PHLDB1: variants seen among roughly 807,000 people sequenced by gnomAD.
PHLDB1 encodes pleckstrin homology like domain family B member 1.
In PHLDB1, 65 loss-of-function variants were observed where a neutral mutation model predicts 139.3. The ratio of observed to expected loss-of-function variants is 0.47; its 90% CI spans 0.38 to 0.57. PHLDB1 has a LOEUF of 0.57. Among genes scored for constraint, PHLDB1 ranks in the 20% least tolerant of loss-of-function variants. The probability of loss-of-function intolerance (pLI) is 0.00; values close to 1 mark genes in which losing one functional copy is unlikely to be tolerated. For synonymous variants in PHLDB1, 679 were observed against 734.5 expected (o/e 0.92, Z 1.22); for missense variants, 1,624 against 1,839.7 (o/e 0.88, Z 2.14).
At position 118,638,959 on chromosome 11, in the gene PHLDB1, C is replaced by A; in HGVS notation, c.2604C>A (p.Arg868=). The change falls in exon 11 of 23, where the codon CGC becomes CGA. Residue 868 remains arginine, a synonymous_variant. Transcript: ENST00000600882. Reference sequence around the variant, plus strand: ...CTCAGGCCGTGCAGGAATCAGAACGCCTGGCCCGGGACAAGAATGCCTCCT... The same window carrying A: ...CTCAGGCCGTGCAGGAATCAGAACGACTGGCCCGGGACAAGAATGCCTCCT... ...IRAQAVQESE[R]LARDKNASLQ... is the part of the protein sequence containing the mutation. 6.2e-7 allele frequency: 1 copy of A among 1,613,816 alleles called. No homozygotes were observed. The highest frequency in any genetic ancestry group is 8.5e-7 in the Non-Finnish European group (1 of 1,179,874).
At position 118,620,282 on chromosome 11, in the gene PHLDB1, C is replaced by T. The variant is rs1942507588; in HGVS notation, c.355+4071C>T. Among the ~76,000 whole-genome samples, 1 of 152,172 alleles carries T rather than the reference C, an allele frequency of 6.6e-6. No homozygotes were observed. The highest frequency in any genetic ancestry group is 1.5e-5 in the Non-Finnish European group (1 of 68,032). On this transcript the variant is annotated intron_variant, in intron 4 of 22. Coordinates refer to ENST00000600882, the MANE Select transcript of PHLDB1 (RefSeq NM_001144758.3). The surrounding 1 kb of genome is among the most constrained non-coding windows in gnomAD (Gnocchi z 4.1). ...CCGAGGCGGGCAGATCACCTGAGGT[C>T]GGGAGTTCGAGACCAGCCTGACCAA...
In PHLDB1 at chr11:118,645,872, G is replaced by C; in HGVS notation, c.3507+47G>C. On this transcript the variant is annotated intron_variant, in intron 17 of 22. Transcript: ENST00000600882. The surrounding 1 kb of genome is among the most constrained non-coding windows in gnomAD (Gnocchi z 5.1). ...GAGGCAGAAGGTGTTGGGGCACAGAGCTACCTACTGCATGTCAAGGGCCTG... is the reference window on the plus strand; with the variant it reads ...GAGGCAGAAGGTGTTGGGGCACAGACCTACCTACTGCATGTCAAGGGCCTG... 1 of 1,166,208 alleles carries C rather than the reference G, an allele frequency of 8.6e-7. No homozygotes were observed. Among genetic ancestry groups the C allele is most frequent in the Non-Finnish European group, 1.3e-6 (1 of 772,254 alleles). The allele number at this position is 1,166,208 out of a possible 1,614,324, so 72.2% of individuals were successfully genotyped here. A position where few individuals can be genotyped will look rare whatever the true frequency, so the allele number is the denominator to read the frequency against.
chr11:118,644,284 T>A, intron 15 of PHLDB1, 110 bp downstream of exon 15: 1 of 757,798 alleles, frequency 1.3e-6, no homozygotes, highest in South Asian at 1.6e-5. Context: ...TTAATTGGGA[T>A]CTAGGCAAGA....
intron 12 of PHLDB1, chr11:118,641,570 C>T: frequency 8.4e-7 from 1 of 1,196,506 alleles, no homozygotes; most frequent in South Asian, 1.4e-5. Context: ...GTTCTGGTTC[C>T]ATTAACCTCT....
chr11:118,644,259 C>T, intron 15 of PHLDB1, 85 bp downstream of exon 15: 1 of 926,500 alleles, frequency 1.1e-6, no homozygotes, highest in South Asian at 1.4e-5. Flanking sequence ...ACACCTTTCA[C>T]AGGATGTTTT....
rs782525651 is a variant in PHLDB1 at position 118,643,823 on chromosome 11, C to T, written c.2901C>T (p.Gly967=). 18 of 1,613,948 alleles carry T rather than the reference C, an allele frequency of 1.1e-5. No homozygotes were observed. Among genetic ancestry groups the T allele is most frequent in the Middle Eastern group, 1.6e-4 (1 of 6,082 alleles). The change falls in exon 14 of 23, where the codon GGC becomes GGT. Residue 967 remains glycine, a synonymous_variant. Coordinates refer to ENST00000600882, the MANE Select transcript of PHLDB1 (RefSeq NM_001144758.3). ...QLQVYRSKMD[G]EATSPLPRTR... ...AGGTTTACCGCTCCAAGATGGATGG[C>T]GAGGCCACCAGCCCCCTTCCCCGGA...
rs1306516528 is a variant in PHLDB1, at chr11:118,627,915, T to A, written c.1092T>A (p.Ser364Arg). 6.2e-7 allele frequency: 1 copy of A among 1,611,900 alleles called. No individual in the cohort carries two copies. The highest frequency in any genetic ancestry group is 1.3e-5 in the African/African-American group (1 of 74,896). The change falls in exon 6 of 23, where the codon AGT becomes AGA. Residue 364 changes from serine (S) to arginine (R), a missense_variant. Physicochemically the swap from Ser to Arg is moderately radical, Grantham distance 110. Coordinates refer to ENST00000600882, the MANE Select transcript of PHLDB1 (RefSeq NM_001144758.3). ...GQLPVVAISLSEYPASGALSQ... is the reference protein window; with the variant it reads ...GQLPVVAISLREYPASGALSQ... ...TGCCTGTGGTGGCCATCAGCCTGAG[T>A]GAATACCCAGCTTCTGGTGCTCTCA...
intron 5 of PHLDB1, among the ~76,000 whole-genome samples, chr11:118,625,789 CT>C (rs1309788368): frequency 6.6e-6 from 1 of 152,156 alleles, no homozygotes; most frequent in Non-Finnish European, 1.5e-5. Context: ...TGAGTGATCA[CT>C]GGGATTATCA....
intron 1 of PHLDB1, among the ~76,000 whole-genome samples, chr11:118,612,894 A>G (rs1459780762): frequency 6.6e-6 from 1 of 152,184 alleles, no homozygotes; most frequent in African/African-American, 2.4e-5. Flanking sequence ...TTCTCAGCTT[A>G]GCTAGTTGGC....
chr11:118,614,499 G>C (rs781856562), intron 2 of PHLDB1, 60 bp from the exon 3 acceptor site: 19 of 1,597,972 alleles, frequency 1.2e-5, no homozygotes, highest in Non-Finnish European at 1.5e-5. Flanking sequence ...GGTGTGACTG[G>C]TTTAGGGTGG....
Position 118,645,486 on chromosome 11 carries a change from C to T in PHLDB1, c.3252C>T (p.Pro1084=). The part of the protein sequence containing the change: ...APFPAGPSGF[P]PLMHHSILHH... ...TCCCAGCGGGCCCCTCGGGCTTCCCCCCTCTCATGCACCACTCTATCCTAC... is the reference window on the plus strand; with the variant it reads ...TCCCAGCGGGCCCCTCGGGCTTCCCTCCTCTCATGCACCACTCTATCCTAC... Residue 1084 remains proline, a synonymous_variant, in exon 16 of 23, where the codon CCC becomes CCT. Coordinates refer to ENST00000600882, the MANE Select transcript of PHLDB1 (RefSeq NM_001144758.3). The surrounding 1 kb of genome is among the most constrained non-coding windows in gnomAD (Gnocchi z 5.1). 1 of 1,612,024 alleles carries T rather than the reference C, an allele frequency of 6.2e-7. No individual in the cohort carries two copies. Among genetic ancestry groups the T allele is most frequent in the Non-Finnish European group, 8.5e-7 (1 of 1,179,032 alleles).
chr11:118,645,576 G>A lies in PHLDB1; in HGVS notation c.3342G>A (p.Leu1114=). ...EGEHAYDTLS[L]ESSDSMETSI... ...AGCACGCCTATGATACGCTGAGTCT[G>A]GAGAGCTCTGACAGCATGGAGACCA... The change falls in exon 16 of 23, where the codon CTG becomes CTA. Residue 1114 remains leucine (L), a synonymous_variant. Transcript: ENST00000600882. This position sits in a 1 kb window ranked among gnomAD's most constrained non-coding sequence, Gnocchi z 5.1. 1 of 1,613,858 alleles carries A rather than the reference G, an allele frequency of 6.2e-7. No individual in the cohort carries two copies. The highest frequency in any genetic ancestry group is 2.2e-5 in the East Asian group (1 of 44,876).
At chr11:118,647,795 G>T in intron 17 of PHLDB1, 135 bp from the exon 18 acceptor site, 1 of 871,522 alleles carries the variant, frequency 1.1e-6, no homozygotes. Context: ...TGGAGAGGGT[G>T]GGCTTTGAAG....
At chr11:118,624,595 T>C (rs1555098866) in intron 4 of PHLDB1, 2 of 132,236 alleles carry the variant, frequency 1.5e-5, no homozygotes, top group Non-Finnish European at 3.3e-5. Flanking sequence ...CCTTTCTTTT[T>C]TTTTTTTTTT....
In PHLDB1 at chr11:118,645,279, T is replaced by A. The variant is rs1947299073; in HGVS notation, c.3122-77T>A. The A allele has an allele frequency of 1.7e-6, 2 of 1,152,884 alleles. No homozygotes were observed. Among genetic ancestry groups the A allele is most frequent in the Non-Finnish European group, 2.4e-6 (2 of 826,462 alleles). The allele number at this position is 1,152,884 out of a possible 1,614,324, so 71.4% of individuals were successfully genotyped here. A position where few individuals can be genotyped will look rare whatever the true frequency, so the allele number is the denominator to read the frequency against. ...ACCTCTCCCTGCTTGCCCCTCCCTC[T>A]GTGTGTTGTGCTGCCAGTGGCCTGC... On this transcript the variant is annotated intron_variant, in intron 15 of 22. Transcript: ENST00000600882. This position sits in a 1 kb window ranked among gnomAD's most constrained non-coding sequence, Gnocchi z 5.1.
In PHLDB1 at chr11:118,628,168, CG is replaced by C; in HGVS notation, c.1349del (p.Gly450AlafsTer11). 1 of 1,614,068 alleles carries C rather than the reference CG, an allele frequency of 6.2e-7. No homozygotes were observed. ...TCCTGAGAGTCCCCGCCTGGGCCGGCGGGGCCTGGACAGTATGCGAGAACTA... is the reference window on the plus strand; with the variant it reads ...TCCTGAGAGTCCCCGCCTGGGCCGGCGGGCCTGGACAGTATGCGAGAACTA... ...QPPESPRLGR[R>X]GLDSMRELPP... is the part of the protein sequence containing the mutation. On this transcript the variant is annotated frameshift_variant, in exon 6 of 23. Coordinates refer to ENST00000600882, the MANE Select transcript of PHLDB1 (RefSeq NM_001144758.3). LOFTEE classifies it high-confidence loss of function.
At chr11:118,618,107 CCCCAGTGA>C (rs1289124469) in intron 4 of PHLDB1, among the ~76,000 whole-genome samples, 2 of 152,096 alleles carry the variant, frequency 1.3e-5, no homozygotes, top group African/African-American at 2.4e-5. Flanking sequence ...TTTCCTGTGG[CCCCAGTGA>C]CCCTTCCCGA....
In PHLDB1 at chr11:118,650,564, C is replaced by T; in HGVS notation, c.3874+17C>T. 1.3e-6 allele frequency: 2 copies of T among 1,551,574 alleles called. No individual in the cohort carries two copies. Among genetic ancestry groups the T allele is most frequent in the Non-Finnish European group, 1.8e-6 (2 of 1,122,920 alleles). ...ATTATGTGGGTGAGTTCCCACAAGG[C>T]CACCCTGGGGGCCAGCCAGGATCCC... On this transcript the variant is annotated intron_variant, in intron 20 of 22. Transcript: ENST00000600882. The surrounding 1 kb of genome is among the most constrained non-coding windows in gnomAD (Gnocchi z 4.7).
chr11:118,609,400 G>A (rs12803321), intron 1 of PHLDB1, among the ~76,000 whole-genome samples: 1 of 129,772 alleles, frequency 7.7e-6, no homozygotes, highest in South Asian at 2.4e-4. Flanking sequence ...CAGCCCAGCT[G>A]ACACACGCAG....
Sources: allele counts gnomAD v4.1 joint callset (sites outside exome capture counted in the v4.1 genomes callset), GRCh38; gene constraint gnomAD v4.1.1; non-coding constraint Gnocchi (gnomAD v3.1); transcripts MANE v1.5; gene names NCBI Gene and HGNC (gene_info 2026-07-23, HGNC 2026-07-21).